AP3B1: variants seen among roughly 807,000 people sequenced by gnomAD.
AP3B1 encodes the protein AP-3 complex subunit beta-1.
AP3B1 carries 61 observed loss-of-function variants against 132.5 expected under a neutral mutation model. The observed-to-expected ratio is 0.46, with a 90% CI of 0.37 to 0.57. The LOEUF is 0.57. AP3B1 is among the 20% of genes least tolerant of loss of function. AP3B1 has a pLI of 0.00. For missense variants in AP3B1, 1,120 were observed against 1,289.4 expected (o/e 0.87, Z 2.01); for synonymous variants, 388 against 438.3 (o/e 0.89, Z 1.43).
chr5:78,097,070 A>G (rs1580341935), intron 21 of AP3B1, among the ~76,000 whole-genome samples: 1 of 101,178 alleles, frequency 9.9e-6, no homozygotes, highest in Non-Finnish European at 2.0e-5. Flanking sequence ...TTGGGGGGTC[A>G]GCCCCCCGCC....
At chr5:78,083,037 G>A (rs6890175) in intron 22 of AP3B1, among the ~76,000 whole-genome samples, 6,530 of 152,038 alleles carry the variant, frequency 0.043, 457 homozygotes, top group African/African-American at 0.15. Context: ...GGCTGGTCTC[G>A]AACTCCTGAC....
At chr5:78,283,292 G>A (rs746632609) in intron 1 of AP3B1, among the ~76,000 whole-genome samples, 5 of 152,056 alleles carry the variant, frequency 3.3e-5, no homozygotes, top group Non-Finnish European at 7.4e-5. Flanking sequence ...GTGTCTAACC[G>A]TCATACCACA....
intron 20 of AP3B1, among the ~76,000 whole-genome samples, chr5:78,103,287 G>A (rs1311577812): frequency 2.0e-5 from 3 of 152,158 alleles, no homozygotes; most frequent in Non-Finnish European, 4.4e-5. Context: ...CTTGGTAATA[G>A]AGACAGAACC....
chr5:78,182,050 T>C (rs1744393696), intron 7 of AP3B1, among the ~76,000 whole-genome samples: 1 of 150,886 alleles, frequency 6.6e-6, no homozygotes, highest in South Asian at 2.1e-4. Context: ...GATCAAAGAG[T>C]CAAAAAAAGA....
At chr5:78,096,154 G>A (rs1750770246) in intron 21 of AP3B1, among the ~76,000 whole-genome samples, 1 of 152,196 alleles carries the variant, frequency 6.6e-6, no homozygotes, top group Non-Finnish European at 1.5e-5. Flanking sequence ...GCGATGGCAG[G>A]CGCGCGCCGC....
chr5:78,052,353 C>T (rs7729733), intron 22 of AP3B1, among the ~76,000 whole-genome samples: 1 of 152,006 alleles, frequency 6.6e-6, no homozygotes, highest in East Asian at 1.9e-4. Context: ...TAAGCAGGCA[C>T]CAGCAAACCA....
Position 78,039,279 on chromosome 5 carries a change from T to C in AP3B1, c.2578-5A>G. On this transcript the variant is annotated splice_polypyrimidine_tract_variant and splice_region_variant and intron_variant, in intron 22 of 26. Coordinates refer to ENST00000255194, the MANE Select transcript of AP3B1 (RefSeq NM_003664.5). Reference sequence around the variant, plus strand: ...TACAAATGCAGGAGTACTGACCTATTACACACGGCAAAAAGAAAAAAAGAT... The same window carrying C: ...TACAAATGCAGGAGTACTGACCTATCACACACGGCAAAAAGAAAAAAAGAT... 1 of 1,609,236 alleles carries C rather than the reference T, an allele frequency of 6.2e-7. No individual in the cohort carries two copies. Among genetic ancestry groups the C allele is most frequent in the Admixed American group, 1.7e-5 (1 of 60,020 alleles).
At chr5:78,045,608 G>T (rs1277442973) in intron 22 of AP3B1, among the ~76,000 whole-genome samples, 1 of 151,954 alleles carries the variant, frequency 6.6e-6, no homozygotes, top group African/African-American at 2.4e-5. Context: ...CATATATTTA[G>T]ACTTTAGTTC....
At chr5:78,023,545 T>C (rs1292050645) in intron 24 of AP3B1, among the ~76,000 whole-genome samples, 2 of 152,038 alleles carry the variant, frequency 1.3e-5, no homozygotes, top group East Asian at 1.9e-4. Context: ...GTAAATGGTG[T>C]AGGGAAGAGC....
intron 26 of AP3B1, among the ~76,000 whole-genome samples, chr5:78,008,665 C>A (rs1307188894): frequency 6.6e-6 from 1 of 152,122 alleles, no homozygotes; most frequent in Non-Finnish European, 1.5e-5. Context: ...TAGAAAAGAC[C>A]TGAGCCTGAT....
At chr5:78,217,290 T>A (rs1342162265) in intron 6 of AP3B1, among the ~76,000 whole-genome samples, 2 of 152,124 alleles carry the variant, frequency 1.3e-5, no homozygotes, top group Non-Finnish European at 2.9e-5. Context: ...AACAATACAA[T>A]TGAAAGAAAA....
intron 3 of AP3B1, among the ~76,000 whole-genome samples, chr5:78,231,464 A>T (rs9293735): frequency 1.3e-5 from 2 of 151,978 alleles, no homozygotes; most frequent in East Asian, 3.9e-4. Flanking sequence ...GTGAGCCACC[A>T]TACCTGGCCT....
intron 24 of AP3B1, among the ~76,000 whole-genome samples, chr5:78,021,452 G>A (rs1379651886): frequency 6.6e-6 from 1 of 152,052 alleles, no homozygotes; most frequent in Non-Finnish European, 1.5e-5. Context: ...AAAACAATAA[G>A]TGCATTTACC....
chr5:78,170,218 C>G (rs1247674807), intron 11 of AP3B1, among the ~76,000 whole-genome samples: 1 of 152,126 alleles, frequency 6.6e-6, no homozygotes, highest in African/African-American at 2.4e-5. Context: ...AATAAACATA[C>G]GTGTGCATGT....
intron 12 of AP3B1, 111 bp downstream of exon 12, chr5:78,165,499 C>G (rs1348375793): frequency 2.6e-6 from 2 of 773,098 alleles, no homozygotes; most frequent in Non-Finnish European, 2.2e-6. Flanking sequence ...TCAGTCTTGT[C>G]CCAATCACTA....
chr5:78,169,864 G>A (rs75673462), intron 11 of AP3B1, among the ~76,000 whole-genome samples: 1 of 151,814 alleles, frequency 6.6e-6, no homozygotes, highest in Non-Finnish European at 1.5e-5. Flanking sequence ...CCAACAACTC[G>A]TCATTTACTT....
chr5:78,088,397 G>C (rs533787943), intron 22 of AP3B1, among the ~76,000 whole-genome samples: 1 of 152,152 alleles, frequency 6.6e-6, no homozygotes, highest in Admixed American at 6.5e-5. Flanking sequence ...CTTTTCACCT[G>C]TACTTTCTGA....
At chr5:78,030,468 A>G (rs535040398) in intron 24 of AP3B1, among the ~76,000 whole-genome samples, 3 of 152,340 alleles carry the variant, frequency 2.0e-5, no homozygotes, top group African/African-American at 7.2e-5. Flanking sequence ...TCCAGAACTG[A>G]TAAGAGTACT....
chr5:78,271,466 A>C (rs1748543918), intron 1 of AP3B1, among the ~76,000 whole-genome samples: 1 of 152,182 alleles, frequency 6.6e-6, no homozygotes, highest in African/African-American at 2.4e-5. Context: ...AGAATCATAA[A>C]TTATCCAAAT....
Sources: allele counts gnomAD v4.1 joint callset (sites outside exome capture counted in the v4.1 genomes callset), GRCh38; gene constraint gnomAD v4.1.1; transcripts MANE v1.5; gene names NCBI Gene and HGNC (gene_info 2026-07-23, HGNC 2026-07-21).